The following CEP112 variants were observed in gnomAD, a reference collection of about 807,000 sequenced individuals.
The protein encoded by CEP112 is centrosomal protein 112, also known as centrosomal protein of 112 kDa.
CEP112 carries 127 observed loss-of-function variants against 153.0 expected under a neutral mutation model. The observed-to-expected ratio is 0.83, with a 90% CI of 0.72 to 0.96. The LOEUF (loss-of-function observed/expected upper bound fraction) is 0.96. Ranked by LOEUF, CEP112 falls within the 40% of genes least tolerant of loss-of-function variation. The probability of loss-of-function intolerance (pLI) is 0.00; values close to 1 mark genes in which losing one functional copy is unlikely to be tolerated. For missense variants in CEP112, 1,089 were observed against 1,101.2 expected (o/e 0.99, Z 0.16); for synonymous variants, 358 against 374.4 (o/e 0.96, Z 0.51).
At chr17:65,699,741 C>G (rs1414491931) in intron 23 of CEP112, among the ~76,000 whole-genome samples, 1 of 152,172 alleles carries the variant, frequency 6.6e-6, no homozygotes, top group Non-Finnish European at 1.5e-5. Context: ...CATCTTCCTA[C>G]ATCAGCCTCC....
chr17:66,074,364 T>G (rs1419842254), intron 8 of CEP112, among the ~76,000 whole-genome samples: 3 of 152,058 alleles, frequency 2.0e-5, no homozygotes, highest in African/African-American at 7.2e-5. Context: ...AATCCAAGAG[T>G]CTAATATACA....
At position 65,920,362 on chromosome 17, in the gene CEP112, AATATATATATATATATATATATATATAT is replaced by A. The variant is rs55934550; in HGVS notation, c.1980+7192_1980+7219del. 4.7e-4 allele frequency among the ~76,000 whole-genome samples: 20 copies of A among 42,784 alleles called. 1 individual carries two copies. Among genetic ancestry groups the A allele is most frequent in the South Asian group, 8.2e-4 (1 of 1,218 alleles). 28.1% of individuals were successfully genotyped at this position (42,784 alleles called of 152,430 possible). On this transcript the variant is annotated intron_variant, in intron 19 of 26. Coordinates refer to ENST00000535342, the MANE Select transcript of CEP112 (RefSeq NM_001199165.4). ...ACTCTGTCTAAAAACAAACAAACAA[AATATATATATATATATATATATATATAT>A]ATATATATATATATAATTATAATAT... is the stretch of plus-strand genomic sequence containing the variant.
chr17:65,944,516 A>G (rs2061592926), intron 18 of CEP112, among the ~76,000 whole-genome samples: 1 of 152,230 alleles, frequency 6.6e-6, no homozygotes, highest in Non-Finnish European at 1.5e-5. Context: ...TTTCATGAAC[A>G]TCATAATTGT....
At chr17:65,748,911 A>T (rs1360862008) in intron 22 of CEP112, among the ~76,000 whole-genome samples, 1 of 152,182 alleles carries the variant, frequency 6.6e-6, no homozygotes, top group Non-Finnish European at 1.5e-5. Flanking sequence ...TAGCTATCTT[A>T]TATCTCACTC....
intron 6 of CEP112, among the ~76,000 whole-genome samples, chr17:66,107,741 T>C (rs950871901): frequency 1.3e-5 from 2 of 152,046 alleles, no homozygotes; most frequent in Non-Finnish European, 2.9e-5. Flanking sequence ...ACAGAGTCAA[T>C]GCAATTACTG....
chr17:66,095,912 C>CAA (rs900145148), intron 8 of CEP112, among the ~76,000 whole-genome samples: 32 of 145,854 alleles, frequency 2.2e-4, no homozygotes, highest in African/African-American at 7.5e-4. Context: ...CCATCTCTAC[C>CAA]AAAAAAAAAA....
chr17:65,964,105 G>C (rs2062322434), intron 17 of CEP112, among the ~76,000 whole-genome samples: 1 of 152,186 alleles, frequency 6.6e-6, no homozygotes, highest in African/African-American at 2.4e-5. Context: ...CAGGATTCTG[G>C]AAGTTTTTAA....
intron 23 of CEP112, among the ~76,000 whole-genome samples, chr17:65,703,064 G>A (rs972304063): frequency 1.3e-5 from 2 of 152,146 alleles, no homozygotes; most frequent in African/African-American, 4.8e-5. Context: ...GCTATCTGTA[G>A]TTTCAAGCAA....
At chr17:66,135,996 T>G (rs1336443604) in intron 4 of CEP112, among the ~76,000 whole-genome samples, 1 of 152,120 alleles carries the variant, frequency 6.6e-6, no homozygotes, top group East Asian at 1.9e-4. Flanking sequence ...CAACAATACA[T>G]AGACCAAAAT....
At chr17:66,036,727 TC>T in intron 12 of CEP112, among the ~76,000 whole-genome samples, 1 of 152,314 alleles carries the variant, frequency 6.6e-6, no homozygotes, top group Non-Finnish European at 1.5e-5. Context: ...TCTCCTTGAA[TC>T]AAAACCTATT....
At position 65,715,461 on chromosome 17, in the gene CEP112, T is replaced by C. The variant is rs190529040; in HGVS notation, c.2608-26243A>G. ...TATTAATAACCATAAAAGAAATTTTTTTTTTTTTAGACGGAGTCTTGCTCC... is the reference window on the plus strand; with the variant it reads ...TATTAATAACCATAAAAGAAATTTTCTTTTTTTTAGACGGAGTCTTGCTCC... On this transcript the variant is annotated intron_variant, in intron 23 of 26. Coordinates refer to ENST00000535342, the MANE Select transcript of CEP112 (RefSeq NM_001199165.4). 1.5e-4 allele frequency among the ~76,000 whole-genome samples: 23 copies of C among 152,218 alleles called. No individual in the cohort carries two copies. The East Asian group carries it at 4.2e-3, about 28-fold the overall frequency.
At chr17:65,989,560 A>T in intron 17 of CEP112, among the ~76,000 whole-genome samples, 1 of 152,120 alleles carries the variant, frequency 6.6e-6, no homozygotes, top group East Asian at 1.9e-4. Context: ...TCTTTCCCTG[A>T]CAAACAAAAG....
intron 23 of CEP112, among the ~76,000 whole-genome samples, chr17:65,726,546 G>C (rs1019802432): frequency 6.6e-6 from 1 of 152,150 alleles, no homozygotes; most frequent in Non-Finnish European, 1.5e-5. Context: ...CAAGGTGCTT[G>C]TGGATAGTGA....
chr17:65,937,603 T>C (rs1599075839), intron 18 of CEP112, among the ~76,000 whole-genome samples: 1 of 94,002 alleles, frequency 1.1e-5, no homozygotes, highest in Non-Finnish European at 2.1e-5. Context: ...AGCCGCCCCG[T>C]CCGGGAGGGA....
chr17:66,040,680 A>G (rs1024601242), intron 12 of CEP112, among the ~76,000 whole-genome samples: 1 of 125,252 alleles, frequency 8.0e-6, no homozygotes, highest in Non-Finnish European at 1.8e-5. Context: ...TAATAGATAC[A>G]GGGTTTTGCC....
At chr17:66,065,879 T>C (rs577796935) in intron 10 of CEP112, among the ~76,000 whole-genome samples, 21 of 152,278 alleles carry the variant, frequency 1.4e-4, no homozygotes, top group African/African-American at 4.3e-4. Flanking sequence ...TCCACCTGCC[T>C]CGGCCTCCCA....
intron 23 of CEP112, among the ~76,000 whole-genome samples, chr17:65,690,911 T>A (rs921281774): frequency 7.9e-5 from 12 of 151,986 alleles, no homozygotes; most frequent in African/African-American, 2.9e-4. Flanking sequence ...GCTGCTTTCA[T>A]TGTTGTCTGA....
chr17:65,638,823 GA>G (rs2143244571), intron 25 of CEP112, among the ~76,000 whole-genome samples: 1 of 152,272 alleles, frequency 6.6e-6, no homozygotes, highest in East Asian at 1.9e-4. Context: ...CCAGTTTTAG[GA>G]GGCTGAAGTG....
chr17:65,732,995 T>C (rs1413172426), intron 23 of CEP112, among the ~76,000 whole-genome samples: 1 of 152,242 alleles, frequency 6.6e-6, no homozygotes, highest in African/African-American at 2.4e-5. Flanking sequence ...ATGTGGCTAT[T>C]TCGTACAAGA....
Sources: allele counts gnomAD v4.1 joint callset (sites outside exome capture counted in the v4.1 genomes callset), GRCh38; gene constraint gnomAD v4.1.1; transcripts MANE v1.5; gene names NCBI Gene and HGNC (gene_info 2026-07-23, HGNC 2026-07-21).